CCDC3: variants seen among roughly 807,000 people sequenced by gnomAD.
CCDC3 encodes the protein coiled-coil domain-containing protein 3.
Under a neutral mutation model 21.4 loss-of-function variants are expected in CCDC3, and 24 were observed. The observed-to-expected ratio is 1.12, with a 90% CI of 0.81 to 1.58. CCDC3 has a LOEUF of 1.58. Among genes scored for constraint, CCDC3 ranks in the 40% most tolerant of loss-of-function variants. The probability of loss-of-function intolerance (pLI) is 0.00; values close to 1 mark genes in which losing one functional copy is unlikely to be tolerated. For synonymous variants in CCDC3, 186 were observed against 166.0 expected (o/e 1.12, Z -0.93); for missense variants, 425 against 360.9 (o/e 1.18, Z -1.44).
chr10:12,993,721 T>C lies in CCDC3; in HGVS notation c.549+4617A>G, dbSNP rs558150683. On this transcript the variant is annotated intron_variant, in intron 2 of 2. Coordinates refer to ENST00000378825, the MANE Select transcript of CCDC3 (RefSeq NM_031455.4). Reference sequence around the variant, plus strand: ...ATCCCCCCAAGTCCTATTAACACCATGACACCGAACCAGAGAGGCGGTGAA... The same window carrying C: ...ATCCCCCCAAGTCCTATTAACACCACGACACCGAACCAGAGAGGCGGTGAA... Among the ~76,000 whole-genome samples the C allele has an allele frequency of 3.9e-5, 6 of 152,272 alleles. 1 individual carries two copies. The South Asian group carries it at 1.0e-3, about 26-fold the overall frequency.
chr10:13,066,809 G>A (rs1158037408), intron 4 of CCDC3, among the ~76,000 whole-genome samples: 1 of 152,164 alleles, frequency 6.6e-6, no homozygotes, highest in African/African-American at 2.4e-5. Flanking sequence ...GGTGACCTGG[G>A]ATTCAATCTG....
chr10:12,968,983 A>G (rs1271495187), intron 2 of CCDC3, among the ~76,000 whole-genome samples: 1 of 152,200 alleles, frequency 6.6e-6, no homozygotes, highest in Non-Finnish European at 1.5e-5. Flanking sequence ...CAAAATGGCA[A>G]TAGTACATCC....
intron 2 of CCDC3, among the ~76,000 whole-genome samples, chr10:12,917,833 T>C (rs903209130): frequency 5.3e-5 from 8 of 152,234 alleles, no homozygotes; most frequent in African/African-American, 1.9e-4. Context: ...TTTTGTACTT[T>C]CCTAAAGATT....
chr10:12,960,148 C>T (rs542280357), intron 2 of CCDC3, among the ~76,000 whole-genome samples: 7 of 131,944 alleles, frequency 5.3e-5, no homozygotes, highest in Admixed American at 8.6e-5. Flanking sequence ...ACCAAGACTC[C>T]ATTTCACACA....
At chr10:13,008,659 A>G (rs1439034694) in intron 5 of CCDC3, among the ~76,000 whole-genome samples, 5 of 152,264 alleles carry the variant, frequency 3.3e-5, no homozygotes, top group African/African-American at 4.8e-5. Context: ...ATAGAAATCA[A>G]TATAGTTGCA....
At position 13,055,336 on chromosome 10, in the gene CCDC3, C is replaced by CTT. The variant is rs111754885; in HGVS notation, c.-269-5397_-269-5396dup. ...AGGGTGTGGGGAACAGAATCCACTT[C>CTT]TTTTTTTTTTTTGTAGACAGGGTCT... On this transcript the variant is annotated intron_variant, in intron 4 of 6. Transcript: ENST00000378839. Among the ~76,000 whole-genome samples, 306 of 145,786 alleles carry CTT rather than the reference C, an allele frequency of 2.1e-3. 3 individuals are homozygous for CTT. Among genetic ancestry groups the CTT allele is most frequent in the African/African-American group, 6.9e-3 (278 of 40,086 alleles).
chr10:12,957,708 C>G (rs902288254), intron 2 of CCDC3, among the ~76,000 whole-genome samples: 1 of 152,194 alleles, frequency 6.6e-6, no homozygotes, highest in Non-Finnish European at 1.5e-5. Context: ...TCTGGCCATA[C>G]GATGAGCCTG....
chr10:12,906,452 G>A (rs1834173743), intron 2 of CCDC3, among the ~76,000 whole-genome samples: 1 of 152,216 alleles, frequency 6.6e-6, no homozygotes, highest in South Asian at 2.1e-4. Context: ...CGGCCTAGCT[G>A]GGCAGGGCCA....
At chr10:13,030,549 A>G (rs1262641764) in intron 5 of CCDC3, among the ~76,000 whole-genome samples, 2 of 152,140 alleles carry the variant, frequency 1.3e-5, no homozygotes. Flanking sequence ...AGACTGGCAA[A>G]CTGAATAAAG....
intron 2 of CCDC3, among the ~76,000 whole-genome samples, chr10:12,995,950 G>T (rs1197034528): frequency 6.6e-6 from 1 of 152,170 alleles, no homozygotes; most frequent in Admixed American, 6.5e-5. Flanking sequence ...GTGCTAAGAA[G>T]TTATGTAGCT....
chr10:12,921,698 T>C (rs1390179126), intron 2 of CCDC3, among the ~76,000 whole-genome samples: 1 of 152,226 alleles, frequency 6.6e-6, no homozygotes, highest in Non-Finnish European at 1.5e-5. Flanking sequence ...TTTTGCATTG[T>C]AGTTAACTGC....
intron 2 of CCDC3, among the ~76,000 whole-genome samples, chr10:12,951,079 C>A (rs1055872206): frequency 6.6e-6 from 1 of 152,174 alleles, no homozygotes; most frequent in Admixed American, 6.5e-5. Flanking sequence ...ATTCAGTGAG[C>A]ACTGTGAGAA....
chr10:13,002,948 G>C (rs1250966728), upstream of CCDC3, among the ~76,000 whole-genome samples: 2 of 152,138 alleles, frequency 1.3e-5, no homozygotes, highest in African/African-American at 2.4e-5. Context: ...CTTCTAACAA[G>C]GTCACTAGTC....
chr10:12,983,796 G>A (rs35679544), intron 2 of CCDC3, among the ~76,000 whole-genome samples: 2 of 152,016 alleles, frequency 1.3e-5, no homozygotes, highest in South Asian at 2.1e-4. Context: ...AAGCCACACT[G>A]AGGCTGGGCG....
chr10:12,982,792 CAAAAAAAAAAA>C (rs61685162), intron 2 of CCDC3, among the ~76,000 whole-genome samples: 3 of 52,902 alleles, frequency 5.7e-5, no homozygotes, highest in Non-Finnish European at 1.0e-4. Flanking sequence ...GACTCTGTCT[CAAAAAAAAAAA>C]AAAAAAAAAA....
chr10:12,920,468 G>A (rs1834433260), intron 2 of CCDC3, among the ~76,000 whole-genome samples: 1 of 152,178 alleles, frequency 6.6e-6, no homozygotes, highest in Non-Finnish European at 1.5e-5. Flanking sequence ...CTGTGGCAGG[G>A]AGCAGTTATT....
At chr10:13,067,762 G>A (rs751746371) in intron 4 of CCDC3, among the ~76,000 whole-genome samples, 12 of 152,150 alleles carry the variant, frequency 7.9e-5, no homozygotes, top group Non-Finnish European at 1.6e-4. Flanking sequence ...CTGAGCACCT[G>A]GGACATCACC....
chr10:13,050,335 A>G (rs1453019268), intron 4 of CCDC3, among the ~76,000 whole-genome samples: 1 of 152,112 alleles, frequency 6.6e-6, no homozygotes, highest in Non-Finnish European at 1.5e-5. Context: ...AAACAGCAGG[A>G]GGCAGGTGTC....
intron 5 of CCDC3, among the ~76,000 whole-genome samples, chr10:13,048,845 T>C (rs1836566959): frequency 6.6e-6 from 1 of 152,156 alleles, no homozygotes; most frequent in African/African-American, 2.4e-5. Context: ...GAGAGGGAGA[T>C]TGTGTCTGAA....
Sources: allele counts gnomAD v4.1 joint callset (sites outside exome capture counted in the v4.1 genomes callset), GRCh38; gene constraint gnomAD v4.1.1; transcripts MANE v1.5; gene names NCBI Gene and HGNC (gene_info 2026-07-23, HGNC 2026-07-21).